Variants in DIAPH3 observed in about 807,000 individuals in gnomAD.
DIAPH3 encodes the protein diaphanous related formin 3.
A neutral mutation model predicts 144.3 loss-of-function variants in DIAPH3; 117 were observed. The observed-to-expected ratio is 0.81, with a 90% CI of 0.70 to 0.95. DIAPH3 has a LOEUF of 0.95. Ranked by LOEUF, DIAPH3 falls within the 40% of genes least tolerant of loss-of-function variation. The pLI is 0.00. For missense variants in DIAPH3, 1,421 were observed against 1,412.7 expected (o/e 1.01, Z -0.09); for synonymous variants, 519 against 488.9 (o/e 1.06, Z -0.81).
intron 24 of DIAPH3, among the ~76,000 whole-genome samples, chr13:59,813,651 T>G (rs1202349348): frequency 6.6e-6 from 1 of 151,832 alleles, no homozygotes; most frequent in Non-Finnish European, 1.5e-5. Context: ...GTCAGGAGAT[T>G]GAGACCATCC....
chr13:60,070,614 T>C (rs373227738), intron 4 of DIAPH3, among the ~76,000 whole-genome samples: 1 of 152,146 alleles, frequency 6.6e-6, no homozygotes, highest in East Asian at 1.9e-4. Flanking sequence ...ATTCCAACCT[T>C]ACCCCTTCCC....
intron 1 of DIAPH3, among the ~76,000 whole-genome samples, chr13:60,151,987 T>C (rs957671919): frequency 1.3e-5 from 2 of 152,210 alleles, no homozygotes; most frequent in Non-Finnish European, 2.9e-5. Flanking sequence ...TTTAATTCTA[T>C]AGTAAAGTCC....
At chr13:60,032,921 C>T (rs2054913114) in intron 5 of DIAPH3, among the ~76,000 whole-genome samples, 1 of 152,206 alleles carries the variant, frequency 6.6e-6, no homozygotes, top group Admixed American at 6.5e-5. Context: ...TTTGCTCCAA[C>T]ATTGGAACAT....
intron 9 of DIAPH3, among the ~76,000 whole-genome samples, chr13:59,997,552 G>T (rs917690723): frequency 2.6e-5 from 4 of 151,724 alleles, no homozygotes; most frequent in African/African-American, 9.7e-5. Context: ...TTTTCTTTTG[G>T]GTGGATACTC....
chr13:60,157,401 T>C (rs1018924615), intron 1 of DIAPH3, among the ~76,000 whole-genome samples: 2 of 152,258 alleles, frequency 1.3e-5, no homozygotes, highest in Admixed American at 6.5e-5. Flanking sequence ...TTAGCCTTTT[T>C]CTTTCAGATG....
chr13:60,021,176 A>G (rs2053992170), intron 5 of DIAPH3, among the ~76,000 whole-genome samples: 1 of 152,222 alleles, frequency 6.6e-6, no homozygotes, highest in African/African-American at 2.4e-5. Flanking sequence ...CATGTAGCAA[A>G]GGAGAAATTC....
chr13:59,767,100 C>T (rs946133925), intron 27 of DIAPH3, among the ~76,000 whole-genome samples: 2 of 152,182 alleles, frequency 1.3e-5, no homozygotes, highest in African/African-American at 4.8e-5. Context: ...CCCTGCACTC[C>T]TTCCAGCTTG....
chr13:60,144,941 C>T (rs1026980627), intron 1 of DIAPH3: 35 of 152,316 alleles, frequency 2.3e-4, no homozygotes, highest in African/African-American at 8.2e-4. Flanking sequence ...TTCCTTTAGA[C>T]CAAATGGGCC....
intron 27 of DIAPH3, among the ~76,000 whole-genome samples, chr13:59,731,911 T>C (rs2138985579): frequency 6.6e-6 from 1 of 152,318 alleles, no homozygotes; most frequent in South Asian, 2.1e-4. Context: ...ATCATCTTTC[T>C]CAATCCTGGT....
intron 17 of DIAPH3, among the ~76,000 whole-genome samples, chr13:59,933,535 A>G (rs577312053): frequency 6.6e-6 from 1 of 152,334 alleles, no homozygotes; most frequent in African/African-American, 2.4e-5. Flanking sequence ...TTTCTCAAAT[A>G]TAACATGAAA....
Position 60,112,032 on chromosome 13 carries a change from AAG to A in DIAPH3, c.366_367del (p.Leu123ArgfsTer4). The A allele has an allele frequency of 6.2e-7, 1 of 1,614,118 alleles. No individual in the cohort carries two copies. The highest frequency in any genetic ancestry group is 8.5e-7 in the Non-Finnish European group (1 of 1,179,998). On this transcript the variant is annotated frameshift_variant, in exon 3 of 28. Coordinates refer to ENST00000400324, the MANE Select transcript of DIAPH3 (RefSeq NM_001042517.2). LOFTEE classifies it high-confidence loss of function. ...TACCATCATTTTTTCAAAAAGTTCT[AAG>A]AGTTCATTCTCTGACAGTGGCTTTG...
intron 27 of DIAPH3, chr13:59,696,085 A>G (rs1490032901): frequency 6.6e-6 from 1 of 152,232 alleles, no homozygotes; most frequent in Non-Finnish European, 1.5e-5. Context: ...CTTATCTTTC[A>G]TTAAAAAGGA....
In DIAPH3 at chr13:59,803,517, A is replaced by G. The variant is rs192533637; in HGVS notation, c.3163+7271T>C. 7.6e-4 allele frequency among the ~76,000 whole-genome samples: 116 copies of G among 152,356 alleles called. No homozygotes were observed. The East Asian group carries it at 0.014, about 18-fold the overall frequency. The stretch of plus-strand genomic sequence containing the variant: ...GCAATAAACTAATTAGCATGAGGAT[A>G]TGCCACAAAAATGCTTAACAAGAGT... On this transcript the variant is annotated intron_variant, in intron 25 of 27. Transcript: ENST00000400324.
At chr13:59,721,929 G>T (rs145161421) in intron 27 of DIAPH3, among the ~76,000 whole-genome samples, 2 of 152,164 alleles carry the variant, frequency 1.3e-5, no homozygotes, top group Admixed American at 6.5e-5. Context: ...CCAAAATAAT[G>T]GTCAGAGTGG....
At chr13:59,725,591 T>C (rs768933318) in intron 27 of DIAPH3, among the ~76,000 whole-genome samples, 1 of 152,200 alleles carries the variant, frequency 6.6e-6, no homozygotes, top group Non-Finnish European at 1.5e-5. Context: ...GCAAGACTAT[T>C]TGACATCATC....
At position 59,920,815 on chromosome 13, in the gene DIAPH3, T is replaced by C. The variant is rs544802889; in HGVS notation, c.2170+3960A>G. On this transcript the variant is annotated intron_variant, in intron 18 of 27. Transcript: ENST00000400324. The stretch of plus-strand genomic sequence containing the variant: ...CCTTCTCTCAACTGCACATGGAACA[T>C]TCTCCAGGACAGATCATATGTTATG... Among the ~76,000 whole-genome samples the C allele has an allele frequency of 2.6e-5, 4 of 151,900 alleles. No homozygotes were observed. In the South Asian group the frequency reaches 8.3e-4, roughly 31 times the overall value.
At chr13:60,050,239 A>G (rs927123041) in intron 4 of DIAPH3, among the ~76,000 whole-genome samples, 1 of 152,272 alleles carries the variant, frequency 6.6e-6, no homozygotes, top group African/African-American at 2.4e-5. Flanking sequence ...TTGTGCAGAG[A>G]CCAGAATGAA....
Position 59,983,761 on chromosome 13 carries a change from A to C in DIAPH3, c.1480+8T>G. Reference sequence around the variant, plus strand: ...TAAGATATTTCTATTTAAATAATAAATACTCACCTACAAACTGGGTTAAAT... The same window carrying C: ...TAAGATATTTCTATTTAAATAATAACTACTCACCTACAAACTGGGTTAAAT... On this transcript the variant is annotated splice_region_variant and intron_variant, in intron 13 of 27. Transcript: ENST00000400324. 6.6e-7 allele frequency: 1 copy of C among 1,513,448 alleles called. No homozygotes were observed. Among genetic ancestry groups the C allele is most frequent in the Non-Finnish European group, 9.2e-7 (1 of 1,090,622 alleles). The allele number at this position is 1,513,448 out of a possible 1,614,324, so 93.8% of individuals were successfully genotyped here.
At chr13:60,007,673 T>C (rs1221653999) in intron 9 of DIAPH3, among the ~76,000 whole-genome samples, 2 of 152,194 alleles carry the variant, frequency 1.3e-5, no homozygotes, top group South Asian at 2.1e-4. Context: ...TTTTTTAAGA[T>C]GACCACTTTT....
Sources: allele counts gnomAD v4.1 joint callset (sites outside exome capture counted in the v4.1 genomes callset), GRCh38; gene constraint gnomAD v4.1.1; transcripts MANE v1.5; gene names NCBI Gene and HGNC (gene_info 2026-07-23, HGNC 2026-07-21).